DGKH: variants seen among roughly 807,000 people sequenced by gnomAD.
The protein encoded by DGKH is diacylglycerol kinase eta.
A neutral mutation model predicts 159.3 loss-of-function variants in DGKH; 90 were observed. The ratio of observed to expected loss-of-function variants is 0.57; its 90% CI spans 0.48 to 0.67. The LOEUF is 0.67. Among genes scored for constraint, DGKH ranks in the 30% least tolerant of loss-of-function variants. The pLI is 0.00. For synonymous variants in DGKH, 536 were observed against 553.8 expected, an observed-to-expected ratio of 0.97 and a Z score of 0.45; for missense variants, 1,181 against 1,506.1, an observed-to-expected ratio of 0.78 and a Z score of 3.57.
chr13:42,077,997 C>T (rs138372669), intron 1 of DGKH, among the ~76,000 whole-genome samples: 60 of 152,270 alleles, frequency 3.9e-4, no homozygotes, highest in Non-Finnish European at 6.9e-4. Flanking sequence ...AGATAATAGT[C>T]TTTCATAGTC....
At position 42,256,235 on chromosome 13, in the gene DGKH, A is replaced by C; in HGVS notation, n.4128-49A>C. 2.0e-6 allele frequency: 3 copies of C among 1,513,012 alleles called. No homozygotes were observed. The South Asian group carries it at 3.4e-5, about 17-fold the overall frequency. The allele number at this position is 1,513,012 out of a possible 1,614,324, so 93.7% of individuals were successfully genotyped here. A position where few individuals can be genotyped will look rare whatever the true frequency, so the allele number is the denominator to read the frequency against. ...TGAGTTGAATGTTTTCAAGCCAATGATGATTAAAAATGTGTTACACTCAGC... is the reference window on the plus strand; with the variant it reads ...TGAGTTGAATGTTTTCAAGCCAATGCTGATTAAAAATGTGTTACACTCAGC... On this transcript the variant is annotated intron_variant and non_coding_transcript_variant, in intron 30 of 30. Transcript: ENST00000498255.
At position 42,237,499 on chromosome 13, in the gene DGKH, A is replaced by G. The variant is rs570505358; in HGVS notation, c.*8311A>G. 5.9e-5 allele frequency: 9 copies of G among 152,376 alleles called. No individual in the cohort carries two copies. The South Asian group carries it at 1.9e-3, about 32-fold the overall frequency. The allele number at this position is 152,376 out of a possible 1,614,324, so 9.4% of individuals were successfully genotyped here. On this transcript the variant is annotated 3_prime_UTR_variant, in exon 30 of 30. Coordinates refer to ENST00000337343, the MANE Select transcript of DGKH (RefSeq NM_178009.5). ...AGATTTGGGAACAAATAGTTTGAACATAGATTTCTTTCACCTTATATGATA... is the reference window on the plus strand; with the variant it reads ...AGATTTGGGAACAAATAGTTTGAACGTAGATTTCTTTCACCTTATATGATA...
At chr13:42,040,502 G>A (rs1485503965) in intron 1 of DGKH, among the ~76,000 whole-genome samples, 1 of 151,912 alleles carries the variant, frequency 6.6e-6, no homozygotes, top group Non-Finnish European at 1.5e-5. Flanking sequence ...AGGAGGGGCG[G>A]CGGGGGGGAG....
chr13:42,189,137 A>G lies in DGKH; in HGVS notation c.1740A>G (p.Glu580=). The change falls in exon 15 of 30, where the codon GAA becomes GAG. Residue 580 remains glutamate, a synonymous_variant. Transcript: ENST00000337343. Reference sequence around the variant, plus strand: ...CTGGCCTCAGCCCTCTCATTGTGGAAGAAGATGCTGTGGAATCGTCCAGTG... The same window carrying G: ...CTGGCCTCAGCCCTCTCATTGTGGAGGAAGATGCTGTGGAATCGTCCAGTG... ...VLPGLSPLIV[E]EDAVESSSEE... 1 of 1,614,242 alleles carries G rather than the reference A, an allele frequency of 6.2e-7. No homozygotes were observed. The highest frequency in any genetic ancestry group is 1.1e-5 in the South Asian group (1 of 91,090).
intron 1 of DGKH, among the ~76,000 whole-genome samples, chr13:42,104,277 C>T (rs528450216): frequency 4.6e-4 from 70 of 152,206 alleles, no homozygotes; most frequent in African/African-American, 1.6e-3. Context: ...ATTTCTCCCC[C>T]CCAGGGAATT....
chr13:42,218,654 G>A (rs1054227240), intron 26 of DGKH, among the ~76,000 whole-genome samples: 9 of 151,874 alleles, frequency 5.9e-5, no homozygotes, highest in African/African-American at 9.7e-5. Context: ...GATTACAGGC[G>A]CCCAACACCA....
chr13:42,045,664 A>G (rs1486392285), upstream of DGKH, among the ~76,000 whole-genome samples: 10 of 152,346 alleles, frequency 6.6e-5, no homozygotes, highest in East Asian at 1.7e-3. Flanking sequence ...CAGCTTCTCA[A>G]TGCCTGTACT....
intron 3 of DGKH, among the ~76,000 whole-genome samples, chr13:42,130,382 T>A (rs1039774443): frequency 3.3e-5 from 5 of 152,246 alleles, no homozygotes; most frequent in African/African-American, 9.6e-5. Flanking sequence ...CCAGCTTCTT[T>A]CATTCACAAA....
At chr13:42,184,819 A>G (rs1956868650) in intron 13 of DGKH, among the ~76,000 whole-genome samples, 1 of 151,882 alleles carries the variant, frequency 6.6e-6, no homozygotes, top group African/African-American at 2.4e-5. Context: ...GTTACCTATG[A>G]TCACACCATT....
At chr13:42,058,833 C>G (rs1881940211) in intron 1 of DGKH, among the ~76,000 whole-genome samples, 1 of 152,160 alleles carries the variant, frequency 6.6e-6, no homozygotes, top group South Asian at 2.1e-4. Flanking sequence ...TACAGATTAT[C>G]CAGTGGAAGC....
intron 3 of DGKH, among the ~76,000 whole-genome samples, chr13:42,139,105 T>TAAGGTTATTATTGGCTTCCTCACACC (rs1285688223): frequency 2.0e-4 from 30 of 152,320 alleles, no homozygotes; most frequent in Admixed American, 1.9e-3. Flanking sequence ...AAATAGCTCT[T>TAAGGTTATTATTGGCTTCCTCACACC]AAGGTTATTA....
rs915789548 is a variant in DGKH, at chr13:42,239,108, T to G, written c.*9920T>G. On this transcript the variant is annotated 3_prime_UTR_variant, in exon 30 of 30. Coordinates refer to ENST00000337343, the MANE Select transcript of DGKH (RefSeq NM_178009.5). ...ATTTGGTACAGTGACTGGAAGAAATTGTTTTTCTGGGAATTTGCTTCCCAT... is the reference window on the plus strand; with the variant it reads ...ATTTGGTACAGTGACTGGAAGAAATGGTTTTTCTGGGAATTTGCTTCCCAT... The G allele has an allele frequency of 6.6e-6, 1 of 152,138 alleles. No individual in the cohort carries two copies. Among genetic ancestry groups the G allele is most frequent in the Non-Finnish European group, 1.5e-5 (1 of 67,976 alleles). 9.4% of individuals were successfully genotyped at this position (152,138 alleles called of 1,614,324 possible).
At chr13:42,069,818 G>A (rs889976616) in intron 1 of DGKH, 31 of 982,162 alleles carry the variant, frequency 3.2e-5, no homozygotes, top group Admixed American at 9.4e-5. Context: ...TCTGGGTACT[G>A]CCAACAAGGC....
Position 42,206,046 on chromosome 13 carries a change from G to A in DGKH, c.2501G>A (p.Gly834Glu), listed in dbSNP as rs1342473465. The A allele has an allele frequency of 7.2e-7, 1 of 1,383,874 alleles. No individual in the cohort carries two copies. Among genetic ancestry groups the A allele is most frequent in the Non-Finnish European group, 9.4e-7 (1 of 1,059,970 alleles). The allele number at this position is 1,383,874 out of a possible 1,614,324, so 85.7% of individuals were successfully genotyped here. The change falls in exon 21 of 30, where the codon GGG becomes GAG. Residue 834 changes from glycine to glutamate, a missense_variant. Gly to Glu is a moderately conservative substitution (Grantham distance 98). This residue lies in a region of DGKH where 335 missense variants were observed against 495.2 expected (regional missense o/e 0.68). Transcript: ENST00000337343. ...LEQRVQLECD[G>E]QYIPLPSLQG... ...TTTTTTTTTACCTTACAGTGTGATG[G>A]GCAGTATATTCCTCTTCCCAGCTTG...
chr13:42,120,965 C>T (rs149111499), intron 1 of DGKH, among the ~76,000 whole-genome samples: 1 of 151,978 alleles, frequency 6.6e-6, no homozygotes, highest in Non-Finnish European at 1.5e-5. Context: ...TACTTACAGA[C>T]CCCAACCCAC....
chr13:42,106,213 G>A (rs1185527695), intron 1 of DGKH, among the ~76,000 whole-genome samples: 2 of 151,974 alleles, frequency 1.3e-5, no homozygotes, highest in Non-Finnish European at 2.9e-5. Context: ...TCACAATGTT[G>A]GCCAGGCTGG....
intron 28 of DGKH, among the ~76,000 whole-genome samples, chr13:42,220,098 G>A (rs1026753609): frequency 6.6e-6 from 1 of 152,196 alleles, no homozygotes; most frequent in African/African-American, 2.4e-5. Flanking sequence ...ACTTTGTTTA[G>A]TGGATGTCAG....
intron 7 of DGKH, among the ~76,000 whole-genome samples, chr13:42,162,677 A>G (rs1594122269): frequency 6.6e-6 from 1 of 151,884 alleles, no homozygotes; most frequent in Admixed American, 6.6e-5. Context: ...AGTGGCAGGT[A>G]CCTGTAATCC....
intron 1 of DGKH, chr13:42,066,727 G>A (rs963658435): frequency 2.2e-4 from 33 of 152,070 alleles, no homozygotes; most frequent in African/African-American, 8.0e-4. Flanking sequence ...TTCATGACGT[G>A]GTTTTGCATT....
Sources: gnomAD v4.1 joint callset for allele counts (sites outside exome capture counted in the v4.1 genomes callset) on GRCh38, gnomAD v4.1.1 for gene constraint, gnomAD v4.1.1 regional missense constraint, MANE v1.5 for transcripts, NCBI Gene and HGNC (gene_info 2026-07-23, HGNC 2026-07-21) for gene names.